The following TMEM132D variants were observed in gnomAD, a reference collection of about 807,000 sequenced individuals.
TMEM132D encodes the protein mature OL transmembrane protein.
In TMEM132D, 21 loss-of-function variants were observed where a neutral mutation model predicts 62.3. That is an observed-to-expected ratio of 0.34 (90% CI 0.24 to 0.49). TMEM132D has a LOEUF of 0.49. Ranked by LOEUF, TMEM132D falls within the 20% of genes least tolerant of loss-of-function variation. The pLI, the probability that TMEM132D is intolerant of heterozygous loss-of-function variation, is 0.99. For missense variants in TMEM132D, 1,346 were observed against 1,402.8 expected, an observed-to-expected ratio of 0.96 and a Z score of 0.65; for synonymous variants, 621 against 575.6, an observed-to-expected ratio of 1.08 and a Z score of -1.13.
chr12:129,434,674 C>T (rs1361372550), intron 3 of TMEM132D, among the ~76,000 whole-genome samples: 4 of 150,744 alleles, frequency 2.7e-5, no homozygotes, highest in African/African-American at 4.9e-5. Context: ...TTTTTTTTAA[C>T]TGTCACATAA....
In TMEM132D at chr12:129,089,124, T is replaced by C. The variant is rs371903228; in HGVS notation, c.1444-4422A>G. Among the ~76,000 whole-genome samples the C allele has an allele frequency of 2.0e-4, 7 of 34,936 alleles. 1 individual carries two copies. The highest frequency in any genetic ancestry group is 5.0e-4 in the African/African-American group (2 of 3,996). 22.9% of individuals were successfully genotyped at this position (34,936 alleles called of 152,430 possible). ...TGTCCTCCATGACCGGGGTGTCCTC[T>C]ATGACCGGGTGTCCTCTATGACCGG... On this transcript the variant is annotated intron_variant, in intron 5 of 8. Transcript: ENST00000422113.
At chr12:129,332,270 A>C (rs1869130198) in intron 4 of TMEM132D, among the ~76,000 whole-genome samples, 1 of 152,216 alleles carries the variant, frequency 6.6e-6, no homozygotes, top group Non-Finnish European at 1.5e-5. Context: ...AATAAATCTC[A>C]TAAAAACCTA....
intron 1 of TMEM132D, among the ~76,000 whole-genome samples, chr12:129,708,860 G>A (rs1881569850): frequency 6.6e-6 from 1 of 152,126 alleles, no homozygotes; most frequent in South Asian, 2.1e-4. Context: ...CTTTACAGTT[G>A]AGGAGACAGT....
intron 5 of TMEM132D, among the ~76,000 whole-genome samples, chr12:129,175,215 A>G (rs1261666146): frequency 8.9e-6 from 1 of 112,110 alleles, no homozygotes; most frequent in Non-Finnish European, 2.0e-5. Context: ...TGGGTTTTAC[A>G]TTTGTCTTTA....
chr12:129,873,318 G>A (rs1175557247), intron 1 of TMEM132D, among the ~76,000 whole-genome samples: 2 of 152,284 alleles, frequency 1.3e-5, no homozygotes, highest in East Asian at 3.9e-4. Flanking sequence ...TGGAAAGGAA[G>A]AGTGTGTGCC....
rs535282665 is a variant in TMEM132D at position 129,608,598 on chromosome 12, G to T, written c.969-77393C>A. On this transcript the variant is annotated intron_variant, in intron 2 of 8. Transcript: ENST00000422113. The stretch of plus-strand genomic sequence containing the variant: ...ATTCTCCTTGATATCCACTGTTTCT[G>T]AAAAAATCATGTCGCGTTTACAGCT... Among the ~76,000 whole-genome samples, 18 of 152,238 alleles carry T rather than the reference G, an allele frequency of 1.2e-4. No individual in the cohort carries two copies. The South Asian group carries it at 3.3e-3, about 28-fold the overall frequency.
intron 3 of TMEM132D, among the ~76,000 whole-genome samples, chr12:129,397,969 AACAGGTGT>A (rs1192640900): frequency 6.6e-6 from 1 of 152,122 alleles, no homozygotes; most frequent in Non-Finnish European, 1.5e-5. Context: ...ATCCTAGAAA[AACAGGTGT>A]ATGTAGCATC....
At chr12:129,780,516 C>T (rs529932498) in intron 1 of TMEM132D, among the ~76,000 whole-genome samples, 3 of 152,234 alleles carry the variant, frequency 2.0e-5, no homozygotes, top group African/African-American at 7.2e-5. Context: ...AGCTGAGGGG[C>T]AGCTGTCACT....
intron 2 of TMEM132D, among the ~76,000 whole-genome samples, chr12:129,578,342 A>ACC (rs1182355539): frequency 6.6e-6 from 1 of 151,282 alleles, no homozygotes; most frequent in Non-Finnish European, 1.5e-5. Context: ...GTAATAAATT[A>ACC]CCTCTCATAT....
chr12:129,753,100 T>C (rs1345301127), intron 1 of TMEM132D, among the ~76,000 whole-genome samples: 1 of 152,228 alleles, frequency 6.6e-6, no homozygotes, highest in East Asian at 1.9e-4. Flanking sequence ...ACAAGTAAAG[T>C]GAAACATTAT....
chr12:129,737,133 C>T (rs1024544543), intron 1 of TMEM132D, among the ~76,000 whole-genome samples: 1 of 152,156 alleles, frequency 6.6e-6, no homozygotes, highest in African/African-American at 2.4e-5. Flanking sequence ...GGTTTCTTAA[C>T]CTAGCACTAC....
intron 4 of TMEM132D, among the ~76,000 whole-genome samples, chr12:129,247,717 T>C (rs1435933903): frequency 6.6e-6 from 1 of 152,172 alleles, no homozygotes; most frequent in Non-Finnish European, 1.5e-5. Flanking sequence ...CTTTGTAATG[T>C]TAATAGGGGG....
At chr12:129,787,348 C>T (rs10847947) in intron 1 of TMEM132D, among the ~76,000 whole-genome samples, 75,340 of 151,868 alleles carry the variant, frequency 0.5, 20,192 homozygotes, top group Non-Finnish European at 0.61. Context: ...GCCATGTCAC[C>T]GAGGGCATTA....
At chr12:129,420,097 T>G (rs1255129657) in intron 3 of TMEM132D, among the ~76,000 whole-genome samples, 1 of 152,070 alleles carries the variant, frequency 6.6e-6, no homozygotes, top group Non-Finnish European at 1.5e-5. Flanking sequence ...AGGGCTGTGT[T>G]GAGGAGGACC....
chr12:129,809,061 A>AC lies in TMEM132D; in HGVS notation c.79+94199dup, dbSNP rs549133303. On this transcript the variant is annotated intron_variant, in intron 1 of 8. Transcript: ENST00000422113. ...AGTGGCTCACGCCTGTAATCCCAGC[A>AC]CTCTGGGAGGGCAAGGCGGGTGGAT... Among the ~76,000 whole-genome samples, 82 of 152,296 alleles carry AC rather than the reference A, an allele frequency of 5.4e-4. No homozygotes were observed. In the South Asian group the frequency reaches 0.016, roughly 30 times the overall value.
At chr12:129,490,836 G>A (rs1874767970) in intron 3 of TMEM132D, among the ~76,000 whole-genome samples, 1 of 151,286 alleles carries the variant, frequency 6.6e-6, no homozygotes, top group Non-Finnish European at 1.5e-5. Flanking sequence ...GAGTTTCGGC[G>A]ACCCCGTTAG....
intron 5 of TMEM132D, chr12:129,109,698 C>A (rs371880954): frequency 6.1e-6 from 1 of 164,628 alleles, no homozygotes; most frequent in Non-Finnish European, 1.3e-5. Context: ...GCTGCCACCA[C>A]GTGAGAAGTG....
intron 3 of TMEM132D, among the ~76,000 whole-genome samples, chr12:129,447,952 C>T (rs1223213005): frequency 6.6e-6 from 1 of 152,114 alleles, no homozygotes; most frequent in Non-Finnish European, 1.5e-5. Flanking sequence ...TGCTTGACAA[C>T]AAGAATTATG....
intron 1 of TMEM132D, among the ~76,000 whole-genome samples, chr12:129,737,523 G>T (rs781676569): frequency 6.6e-6 from 1 of 152,024 alleles, no homozygotes; most frequent in African/African-American, 2.4e-5. Context: ...GCCCCACCTA[G>T]AAAGGGCATG....
Sources: gnomAD v4.1 joint callset for allele counts (sites outside exome capture counted in the v4.1 genomes callset) on GRCh38, gnomAD v4.1.1 for gene constraint, MANE v1.5 for transcripts, NCBI Gene and HGNC (gene_info 2026-07-23, HGNC 2026-07-21) for gene names.